FHIT: variants seen among roughly 807,000 people sequenced by gnomAD.
FHIT encodes bis(5'-adenosyl)-triphosphatase.
A neutral mutation model predicts 17.9 loss-of-function variants in FHIT; 19 were observed. The observed-to-expected ratio is 1.06, with a 90% CI of 0.74 to 1.56. The LOEUF (loss-of-function observed/expected upper bound fraction) is 1.56, where lower values mean the gene tolerates loss of function less well. Ranked by LOEUF, FHIT falls within the 40% of genes most tolerant of loss-of-function variation. The probability of loss-of-function intolerance (pLI) is 0.00; values close to 1 mark genes in which losing one functional copy is unlikely to be tolerated. For missense variants in FHIT, 248 were observed against 189.2 expected (o/e 1.31, Z -1.82); for synonymous variants, 81 against 69.7 (o/e 1.16, Z -0.81).
intron 4 of FHIT, among the ~76,000 whole-genome samples, chr3:60,807,624 C>T (rs1371620853): frequency 6.6e-6 from 1 of 151,942 alleles, no homozygotes; most frequent in Admixed American, 6.6e-5. Flanking sequence ...CTGACCAGTT[C>T]AGCATTTATA....
intron 5 of FHIT, among the ~76,000 whole-genome samples, chr3:60,251,358 T>C (rs1472373643): frequency 6.6e-6 from 1 of 152,150 alleles, no homozygotes; most frequent in Non-Finnish European, 1.5e-5. Flanking sequence ...CCTATTACTA[T>C]CAACCACTGT....
chr3:61,099,578 G>A (rs2035753988), intron 2 of FHIT, among the ~76,000 whole-genome samples: 1 of 151,994 alleles, frequency 6.6e-6, no homozygotes, highest in South Asian at 2.1e-4. Context: ...ATTTATTATT[G>A]TCTAAATTTC....
chr3:60,178,115 G>A, intron 5 of FHIT, among the ~76,000 whole-genome samples: 1 of 152,168 alleles, frequency 6.6e-6, no homozygotes, highest in Non-Finnish European at 1.5e-5. Context: ...TTCTGTTCAG[G>A]AGGTATTCAG....
chr3:60,746,165 T>C (rs17679400), intron 4 of FHIT, among the ~76,000 whole-genome samples: 32,136 of 152,220 alleles, frequency 0.21, 4,270 homozygotes, highest in Non-Finnish European at 0.31. Context: ...CATCAATCTT[T>C]GTTATCGCTT....
chr3:59,961,458 C>A (rs73842104), intron 7 of FHIT, among the ~76,000 whole-genome samples: 1 of 152,112 alleles, frequency 6.6e-6, no homozygotes, highest in Non-Finnish European at 1.5e-5. Context: ...CACTGATGTA[C>A]GGGTAAAAAA....
chr3:59,814,631 C>G (rs1700530120), intron 8 of FHIT, among the ~76,000 whole-genome samples: 1 of 152,128 alleles, frequency 6.6e-6, no homozygotes, highest in Non-Finnish European at 1.5e-5. Context: ...CCACATAGGT[C>G]CTATTTCTTT....
intron 5 of FHIT, among the ~76,000 whole-genome samples, chr3:60,110,975 G>C (rs1372690245): frequency 6.6e-6 from 1 of 152,112 alleles, no homozygotes; most frequent in Non-Finnish European, 1.5e-5. Context: ...AAGCCTAGGA[G>C]AGTCTCCTGT....
At chr3:61,131,124 A>G (rs572279538) in intron 2 of FHIT, among the ~76,000 whole-genome samples, 84 of 152,338 alleles carry the variant, frequency 5.5e-4, no homozygotes, top group African/African-American at 2.0e-3. Context: ...TAGAAGTAAA[A>G]AAGGATTTAA....
intron 8 of FHIT, among the ~76,000 whole-genome samples, chr3:59,904,440 A>G (rs1054817208): frequency 3.3e-5 from 5 of 152,164 alleles, no homozygotes. Context: ...CAGATTGGAG[A>G]AAGTATTTGA....
intron 8 of FHIT, among the ~76,000 whole-genome samples, chr3:59,915,937 G>GGAA (rs1553714841): frequency 2.8e-5 from 4 of 142,330 alleles, no homozygotes; most frequent in Non-Finnish European, 4.5e-5. Context: ...GTCTCTTAGG[G>GGAA]AAAAAAAAAA....
intron 5 of FHIT, among the ~76,000 whole-genome samples, chr3:60,305,793 C>T (rs1047243745): frequency 1.3e-5 from 2 of 152,090 alleles, no homozygotes; most frequent in African/African-American, 4.8e-5. Context: ...ACACGTATCT[C>T]ATGCTAAATG....
At chr3:60,076,658 C>A (rs1459392803) in intron 5 of FHIT, among the ~76,000 whole-genome samples, 2 of 151,934 alleles carry the variant, frequency 1.3e-5, no homozygotes, top group Non-Finnish European at 2.9e-5. Flanking sequence ...TGTCACCTAA[C>A]AGAGTGATAA....
At position 60,787,004 on chromosome 3, in the gene FHIT, G is replaced by GAA. The variant is rs11445450; in HGVS notation, c.-18+34913_-18+34914dup. Among the ~76,000 whole-genome samples the GAA allele has an allele frequency of 1.4e-3, 192 of 135,824 alleles. 1 individual carries two copies. The highest frequency in any genetic ancestry group is 3.8e-3 in the African/African-American group (144 of 37,468). 89.1% of individuals were successfully genotyped at this position (135,824 alleles called of 152,430 possible). On this transcript the variant is annotated intron_variant, in intron 4 of 9. Transcript: ENST00000492590. The stretch of plus-strand genomic sequence containing the variant: ...AGGAAAGAGGGAAATAAGACAAAAA[G>GAA]AAAAAAAAAAAAACAAAACAGAAGT...
At chr3:60,672,896 T>TGTGTGTGTGTGC (rs1553694347) in intron 4 of FHIT, among the ~76,000 whole-genome samples, 25 of 151,438 alleles carry the variant, frequency 1.7e-4, no homozygotes, top group Non-Finnish European at 3.2e-4. Context: ...TGTGTGTGTG[T>TGTGTGTGTGTGC]GTGTGTGTGT....
At chr3:61,115,647 T>C (rs2036279406) in intron 2 of FHIT, among the ~76,000 whole-genome samples, 1 of 152,114 alleles carries the variant, frequency 6.6e-6, no homozygotes, top group Non-Finnish European at 1.5e-5. Flanking sequence ...AGTGTGGAAA[T>C]AAAAGGATGG....
chr3:60,458,056 C>T (rs1335694294), intron 5 of FHIT, among the ~76,000 whole-genome samples: 1 of 152,116 alleles, frequency 6.6e-6, no homozygotes. Flanking sequence ...CTAGAAATAC[C>T]ATTTGACCCA....
chr3:60,575,978 C>T (rs2037551601), intron 4 of FHIT, among the ~76,000 whole-genome samples: 1 of 152,086 alleles, frequency 6.6e-6, no homozygotes, highest in African/African-American at 2.4e-5. Flanking sequence ...CAGAAGGACA[C>T]AGTTACTATC....
intron 4 of FHIT, among the ~76,000 whole-genome samples, chr3:60,570,737 T>TTAA (rs1553655320): frequency 4.5e-5 from 6 of 132,526 alleles, no homozygotes; most frequent in East Asian, 4.4e-4. Context: ...ATTAAAAAAT[T>TTAA]AAAAAAAAAA....
intron 5 of FHIT, among the ~76,000 whole-genome samples, chr3:60,253,862 G>T (rs903358249): frequency 6.6e-6 from 1 of 152,166 alleles, no homozygotes; most frequent in Non-Finnish European, 1.5e-5. Context: ...ATATTACCAA[G>T]AATTAAATAT....
Sources: allele counts gnomAD v4.1 joint callset (sites outside exome capture counted in the v4.1 genomes callset), GRCh38; gene constraint gnomAD v4.1.1; transcripts MANE v1.5; gene names NCBI Gene and HGNC (gene_info 2026-07-23, HGNC 2026-07-21).